CEP85L: variants seen among roughly 807,000 people sequenced by gnomAD.
CEP85L encodes centrosomal protein 85L.
A neutral mutation model predicts 100.3 loss-of-function variants in CEP85L; 60 were observed. The ratio of observed to expected loss-of-function variants is 0.60; its 90% CI spans 0.49 to 0.74. The LOEUF (loss-of-function observed/expected upper bound fraction) is 0.74. Ranked by LOEUF, CEP85L falls within the 30% of genes least tolerant of loss-of-function variation. The pLI is 0.00. For missense variants in CEP85L, 973 were observed against 936.2 expected, an observed-to-expected ratio of 1.04 and a Z score of -0.51; for synonymous variants, 319 against 322.7, an observed-to-expected ratio of 0.99 and a Z score of 0.12.
At chr6:118,474,379 C>T (rs943196730) in intron 10 of CEP85L, among the ~76,000 whole-genome samples, 2 of 152,192 alleles carry the variant, frequency 1.3e-5, no homozygotes, top group African/African-American at 4.8e-5. Flanking sequence ...TCCTCCCAGA[C>T]CCTAGTTAGA....
intron 7 of CEP85L, among the ~76,000 whole-genome samples, 153 bp from the exon 8 acceptor site, chr6:118,482,086 T>A (rs535858847): frequency 9.2e-4 from 139 of 151,502 alleles, no homozygotes; most frequent in African/African-American, 3.3e-3. Flanking sequence ...TATTTAATTC[T>A]CCATCTCTTC....
rs944220013 is a variant in CEP85L, at chr6:118,483,891, T to C, written c.1438-33A>G. 10 of 1,593,240 alleles carry C rather than the reference T, an allele frequency of 6.3e-6. No individual in the cohort carries two copies. In the African/African-American group the frequency reaches 1.1e-4, roughly 17 times the overall value. Reference sequence around the variant, plus strand: ...CAAACAATTATGAACCTTCAGTAGTTTTCAGTCATTAAAAGATATAACAAA... The same window carrying C: ...CAAACAATTATGAACCTTCAGTAGTCTTCAGTCATTAAAAGATATAACAAA... On this transcript the variant is annotated intron_variant, in intron 6 of 12. Transcript: ENST00000368491.
At chr6:118,597,424 G>C (rs1781514671) in intron 2 of CEP85L, among the ~76,000 whole-genome samples, 1 of 152,126 alleles carries the variant, frequency 6.6e-6, no homozygotes, top group South Asian at 2.1e-4. Context: ...TGGGGAAAAA[G>C]AGTCAAAGTT....
rs115137200 is a variant in CEP85L at position 118,579,691 on chromosome 6, T to C, written c.233-13375A>G. On this transcript the variant is annotated intron_variant, in intron 2 of 12. Coordinates refer to ENST00000368491, the MANE Select transcript of CEP85L (RefSeq NM_001042475.3). ...TCTACCTGCACTGTTTGGAGAGATA[T>C]GGAGTCAATAATCTCCCTATGTTAT... Among the ~76,000 whole-genome samples, 1,420 of 152,328 alleles carry C rather than the reference T, an allele frequency of 9.3e-3. 28 individuals are homozygous for C. The highest frequency in any genetic ancestry group is 0.031 in the African/African-American group (1,308 of 41,552).
intron 2 of CEP85L, among the ~76,000 whole-genome samples, chr6:118,627,230 A>T (rs1583190834): frequency 6.6e-6 from 1 of 151,738 alleles, no homozygotes; most frequent in African/African-American, 2.4e-5. Context: ...GAAACAATAC[A>T]ATTAAAACAC....
At chr6:118,541,941 A>G (rs1393898146) in intron 3 of CEP85L, among the ~76,000 whole-genome samples, 1 of 152,198 alleles carries the variant, frequency 6.6e-6, no homozygotes, top group Non-Finnish European at 1.5e-5. Flanking sequence ...GAAAATTATT[A>G]CATTTCAAAA....
At chr6:118,650,853 G>A (rs1452469450) in intron 1 of CEP85L, among the ~76,000 whole-genome samples, 1 of 152,164 alleles carries the variant, frequency 6.6e-6, no homozygotes, top group African/African-American at 2.4e-5. Flanking sequence ...GGCAAGCCCC[G>A]TTATCACGCA....
At chr6:118,523,379 G>A (rs112056981) in intron 4 of CEP85L, among the ~76,000 whole-genome samples, 5 of 152,044 alleles carry the variant, frequency 3.3e-5, no homozygotes, top group South Asian at 4.2e-4. Flanking sequence ...TTACACATTC[G>A]TCATTTTTGT....
At chr6:118,580,113 T>C (rs550722798) in intron 2 of CEP85L, among the ~76,000 whole-genome samples, 104 of 152,310 alleles carry the variant, frequency 6.8e-4, no homozygotes, top group Admixed American at 1.4e-3. Flanking sequence ...AGCCTCCTAA[T>C]ATAAATGGCT....
At chr6:118,473,282 A>C (rs536817591) in intron 10 of CEP85L, among the ~76,000 whole-genome samples, 1 of 152,308 alleles carries the variant, frequency 6.6e-6, no homozygotes, top group Non-Finnish European at 1.5e-5. Context: ...ATGTATTAGA[A>C]TTTGACTAGT....
intron 2 of CEP85L, among the ~76,000 whole-genome samples, chr6:118,621,788 A>G (rs1773461333): frequency 6.6e-6 from 1 of 152,222 alleles, no homozygotes; most frequent in Non-Finnish European, 1.5e-5. Context: ...ACATTGAAAC[A>G]GTTGCAGGGA....
chr6:118,608,177 A>C (rs768346166), intron 2 of CEP85L, among the ~76,000 whole-genome samples: 4 of 152,074 alleles, frequency 2.6e-5, no homozygotes, highest in Non-Finnish European at 5.9e-5. Flanking sequence ...AATTTCTTTA[A>C]ATTTTTATTA....
chr6:118,472,426 A>T (rs1773032846), intron 10 of CEP85L, among the ~76,000 whole-genome samples: 1 of 152,166 alleles, frequency 6.6e-6, no homozygotes. Context: ...TCCTGAAAGG[A>T]CCAAGTGCTG....
Position 118,559,066 on chromosome 6 carries a change from G to A in CEP85L, c.1020+6463C>T, listed in dbSNP as rs749962743. On this transcript the variant is annotated intron_variant, in intron 3 of 12. Transcript: ENST00000368491. ...ATGTCTCTTGCTGATCTGTATCATCGTGATGCTTCTCTGAAGTTCTGCTAC... is the reference window on the plus strand; with the variant it reads ...ATGTCTCTTGCTGATCTGTATCATCATGATGCTTCTCTGAAGTTCTGCTAC... 2.7e-5 allele frequency: 44 copies of A among 1,611,300 alleles called. No homozygotes were observed. Among genetic ancestry groups the A allele is most frequent in the Non-Finnish European group, 3.1e-5 (36 of 1,177,608 alleles).
intron 3 of CEP85L, among the ~76,000 whole-genome samples, chr6:118,526,968 G>C (rs1366553824): frequency 6.7e-6 from 1 of 148,738 alleles, no homozygotes; most frequent in East Asian, 2.0e-4. Context: ...TGCTCTGCCT[G>C]TGGCGCAGCC....
chr6:118,672,720 C>A (rs140717281), intron 1 of CEP85L, among the ~76,000 whole-genome samples: 235 of 151,978 alleles, frequency 1.5e-3, no homozygotes, highest in African/African-American at 5.3e-3. Flanking sequence ...GAGCTGAGAT[C>A]GTGTCTCTGC....
Position 118,680,971 on chromosome 6 carries a change from A to G in CEP85L, c.-27-28163T>C, listed in dbSNP as rs1036935380. ...ACGAGGAGGAGTTTACTGCTGCGCT[A>G]CTATTGCTGAAACGGAACTTGGTTT... is the stretch of plus-strand genomic sequence containing the variant. On this transcript the variant is annotated intron_variant, in intron 1 of 13. Transcript: ENST00000368488. Among the ~76,000 whole-genome samples the G allele has an allele frequency of 2.6e-5, 4 of 152,128 alleles. No individual in the cohort carries two copies. The East Asian group carries it at 5.8e-4, about 22-fold the overall frequency.
intron 10 of CEP85L, among the ~76,000 whole-genome samples, chr6:118,471,760 C>T (rs188099033): frequency 3.5e-5 from 5 of 141,814 alleles, no homozygotes; most frequent in African/African-American, 1.3e-4. Context: ...TTATATTCCA[C>T]AAAAATGAAA....
At chr6:118,703,867 T>C (rs1393586652) in intron 1 of CEP85L, among the ~76,000 whole-genome samples, 3 of 152,206 alleles carry the variant, frequency 2.0e-5, no homozygotes, top group Admixed American at 2.0e-4. Flanking sequence ...TATCTCATTA[T>C]TAATATGTAC....
Sources: allele counts gnomAD v4.1 joint callset (sites outside exome capture counted in the v4.1 genomes callset), GRCh38; gene constraint gnomAD v4.1.1; transcripts MANE v1.5; gene names NCBI Gene and HGNC (gene_info 2026-07-23, HGNC 2026-07-21).